TRAPPC9: variants seen among roughly 807,000 people sequenced by gnomAD.
TRAPPC9 encodes the protein trafficking protein particle complex subunit 9, also known as IKK2 binding protein.
TRAPPC9 carries 83 observed loss-of-function variants against 124.0 expected under a neutral mutation model. The observed-to-expected ratio is 0.67, with a 90% CI of 0.56 to 0.80. TRAPPC9 has a LOEUF of 0.80. Among genes scored for constraint, TRAPPC9 ranks in the 30% least tolerant of loss-of-function variants. TRAPPC9 has a pLI of 0.00. For missense variants in TRAPPC9, 1,302 were observed against 1,508.3 expected, an observed-to-expected ratio of 0.86 and a Z score of 2.27; for synonymous variants, 638 against 617.5, an observed-to-expected ratio of 1.03 and a Z score of -0.49.
At position 140,189,436 on chromosome 8, in the gene TRAPPC9, A is replaced by G. The variant is rs59392069; in HGVS notation, c.2556+32023T>C. Among the ~76,000 whole-genome samples the G allele has an allele frequency of 5.4e-3, 818 of 152,358 alleles. 8 individuals are homozygous for G. Among genetic ancestry groups the G allele is most frequent in the African/African-American group, 0.019 (781 of 41,588 alleles). On this transcript the variant is annotated intron_variant, in intron 17 of 22. Coordinates refer to ENST00000438773, the MANE Select transcript of TRAPPC9 (RefSeq NM_001160372.4). The stretch of plus-strand genomic sequence containing the variant: ...CCAAGCCTCGAACAAGAGGGGAGGC[A>G]TTTTATAAATCACGTTACAGTTCTA...
At chr8:139,796,634 AT>A (rs1309429557) in intron 21 of TRAPPC9, among the ~76,000 whole-genome samples, 6 of 152,120 alleles carry the variant, frequency 3.9e-5, no homozygotes, top group African/African-American at 1.4e-4. Flanking sequence ...GCTATGCCAC[AT>A]TTTGTTTATC....
At chr8:139,741,814 G>A (rs1818579671) in intron 21 of TRAPPC9, among the ~76,000 whole-genome samples, 1 of 152,116 alleles carries the variant, frequency 6.6e-6, no homozygotes, top group African/African-American at 2.4e-5. Context: ...AGAGCATGAT[G>A]TCTCTAAGGC....
intron 15 of TRAPPC9, among the ~76,000 whole-genome samples, chr8:140,272,849 C>G (rs1373773215): frequency 6.6e-6 from 1 of 151,816 alleles, no homozygotes; most frequent in African/African-American, 2.4e-5. Flanking sequence ...GGATCCACCC[C>G]CATGACCCAA....
At chr8:140,224,470 C>G (rs2063402469) in intron 16 of TRAPPC9, among the ~76,000 whole-genome samples, 2 of 152,122 alleles carry the variant, frequency 1.3e-5, no homozygotes, top group Non-Finnish European at 2.9e-5. Context: ...ACTCAAAGGA[C>G]TCGATGTGAA....
chr8:140,186,517 C>A (rs937704100), intron 17 of TRAPPC9, among the ~76,000 whole-genome samples: 2 of 151,832 alleles, frequency 1.3e-5, no homozygotes, highest in Non-Finnish European at 2.9e-5. Flanking sequence ...ACCCGGGAGG[C>A]AGAGGTTGCC....
intron 17 of TRAPPC9, among the ~76,000 whole-genome samples, chr8:140,174,987 C>A: frequency 6.9e-6 from 1 of 145,800 alleles, no homozygotes. Flanking sequence ...AACTGTTTTT[C>A]AATGCACCTG....
intron 17 of TRAPPC9, among the ~76,000 whole-genome samples, chr8:140,173,280 CA>C (rs1268586585): frequency 2.0e-5 from 3 of 152,122 alleles, no homozygotes; most frequent in African/African-American, 7.2e-5. Context: ...TGTGGCCGGG[CA>C]CAGTGGCTCA....
At position 140,140,651 on chromosome 8, in the gene TRAPPC9, T is replaced by C. The variant is rs566059593; in HGVS notation, c.2556+80808A>G. The stretch of plus-strand genomic sequence containing the variant: ...CCTCATGTCCCACTGCCTTTCTGCC[T>C]CCCAGATCTTGCCACATTACCCACA... On this transcript the variant is annotated intron_variant, in intron 17 of 22. Transcript: ENST00000438773. Among the ~76,000 whole-genome samples the C allele has an allele frequency of 2.0e-5, 3 of 152,314 alleles. No individual in the cohort carries two copies. The South Asian group carries it at 6.2e-4, about 32-fold the overall frequency.
intron 21 of TRAPPC9, among the ~76,000 whole-genome samples, chr8:139,796,085 AAGGAGGAGGAAG>A (rs1286501453): frequency 0.012 from 1,316 of 106,538 alleles, 17 homozygotes; most frequent in East Asian, 0.065. Context: ...GGAAGAGGAG[AAGGAGGAGGAAG>A]AGGAGGAGGA....
intron 17 of TRAPPC9, among the ~76,000 whole-genome samples, chr8:140,207,287 C>T (rs1382555291): frequency 6.6e-6 from 1 of 152,200 alleles, no homozygotes; most frequent in Non-Finnish European, 1.5e-5. Flanking sequence ...GGTTTTCCCT[C>T]CTTCATTCTG....
At chr8:140,187,034 T>C (rs1339493450) in intron 17 of TRAPPC9, among the ~76,000 whole-genome samples, 1 of 152,178 alleles carries the variant, frequency 6.6e-6, no homozygotes, top group African/African-American at 2.4e-5. Flanking sequence ...AGATTGCGTA[T>C]CCCTTTTCCC....
intron 17 of TRAPPC9, among the ~76,000 whole-genome samples, chr8:140,151,092 G>A (rs2061537048): frequency 2.6e-5 from 4 of 152,192 alleles, no homozygotes; most frequent in Non-Finnish European, 5.9e-5. Flanking sequence ...AAATGGGGAA[G>A]TGGAGATTGA....
intron 11 of TRAPPC9, among the ~76,000 whole-genome samples, chr8:140,292,041 G>A (rs2065675046): frequency 6.6e-6 from 1 of 152,224 alleles, no homozygotes; most frequent in African/African-American, 2.4e-5. Flanking sequence ...CACAAATCAT[G>A]AGGAAGCAGA....
At position 139,731,985 on chromosome 8, in the gene TRAPPC9, G is replaced by A. The variant is rs753743485; in HGVS notation, c.3273C>T (p.Leu1091=). ...CTTGCACACCACCACGCACCGCGTCGAGGTAGAAGGTGCTGGAGCCCACGA... is the reference window on the plus strand; with the variant it reads ...CTTGCACACCACCACGCACCGCGTCAAGGTAGAAGGTGCTGGAGCCCACGA... ...VSFVGSSTFY[L]DAVQPSGQSA... is the part of the protein sequence containing the mutation. Residue 1091 remains leucine (L), a synonymous_variant, in exon 22 of 23, where the codon CTC becomes CTT. Coordinates refer to ENST00000438773, the MANE Select transcript of TRAPPC9 (RefSeq NM_001160372.4). 2.3e-5 allele frequency: 37 copies of A among 1,581,080 alleles called. No homozygotes were observed. Among genetic ancestry groups the A allele is most frequent in the East Asian group, 2.3e-5 (1 of 43,076 alleles).
intron 17 of TRAPPC9, among the ~76,000 whole-genome samples, chr8:140,067,315 T>C (rs892752826): frequency 6.6e-6 from 1 of 152,160 alleles, no homozygotes; most frequent in Non-Finnish European, 1.5e-5. Flanking sequence ...AGCTAATTTT[T>C]TGTATTTTTA....
chr8:139,938,205 C>T (rs2131424436), intron 19 of TRAPPC9, among the ~76,000 whole-genome samples: 1 of 152,320 alleles, frequency 6.6e-6, no homozygotes, highest in Middle Eastern at 3.4e-3. Context: ...CAAAGCTGCC[C>T]CACCTGTGTG....
At chr8:139,879,559 C>T (rs990426943) in intron 21 of TRAPPC9, among the ~76,000 whole-genome samples, 1 of 152,180 alleles carries the variant, frequency 6.6e-6, no homozygotes, top group Non-Finnish European at 1.5e-5. Context: ...ACCATCCCAG[C>T]CCCTTCCCTT....
At chr8:140,443,155 G>T (rs1315272454) in intron 2 of TRAPPC9, among the ~76,000 whole-genome samples, 1 of 53,338 alleles carries the variant, frequency 1.9e-5, no homozygotes, top group Non-Finnish European at 4.6e-5. Context: ...AAAAAAAAAA[G>T]CCAGGCGCGG....
intron 19 of TRAPPC9, among the ~76,000 whole-genome samples, chr8:139,922,165 A>G (rs1184279434): frequency 6.7e-6 from 1 of 150,322 alleles, no homozygotes; most frequent in Non-Finnish European, 1.5e-5. Context: ...TCCAAGGTTG[A>G]TCTTTGAAAT....
Sources: gnomAD v4.1 joint callset for allele counts (sites outside exome capture counted in the v4.1 genomes callset) on GRCh38, gnomAD v4.1.1 for gene constraint, MANE v1.5 for transcripts, NCBI Gene and HGNC (gene_info 2026-07-23, HGNC 2026-07-21) for gene names.